ILDR2: variants seen among roughly 807,000 people sequenced by gnomAD.
ILDR2 encodes immunoglobulin-like domain-containing receptor 2.
Under a neutral mutation model 66.8 loss-of-function variants are expected in ILDR2, and 25 were observed. The observed-to-expected ratio is 0.37, with a 90% CI of 0.27 to 0.52. ILDR2 has a LOEUF of 0.52. Among genes scored for constraint, ILDR2 ranks in the 20% least tolerant of loss-of-function variants. The pLI, the probability that ILDR2 is intolerant of heterozygous loss-of-function variation, is 0.88. For synonymous variants in ILDR2, 367 were observed against 357.2 expected (o/e 1.03, Z -0.31); for missense variants, 827 against 876.8 (o/e 0.94, Z 0.72).
chr1:166,956,886 A>T, intron 2 of ILDR2, 34 bp from the exon 3 acceptor site: 1 of 1,606,308 alleles, frequency 6.2e-7, no homozygotes. Flanking sequence ...CAGTCCTAAA[A>T]CTCTGTCCTC....
rs892553712 is a variant in ILDR2 at position 166,975,478 on chromosome 1, G to A, written c.-210C>T. On this transcript the variant is annotated 5_prime_UTR_variant, in exon 1 of 10. Coordinates refer to ENST00000271417, the MANE Select transcript of ILDR2 (RefSeq NM_199351.3). ...GCGCGCGCTGCCGCGGGCTTCCGGG[G>A]TCCGCGCAGCGCTCGGCGGCGCATC... 35 of 146,536 alleles carry A rather than the reference G, an allele frequency of 2.4e-4. No homozygotes were observed. The highest frequency in any genetic ancestry group is 5.4e-4 in the African/African-American group (22 of 40,800). 9.1% of individuals were successfully genotyped at this position (146,536 alleles called of 1,614,324 possible). A position where few individuals can be genotyped will look rare whatever the true frequency, so the allele number is the denominator to read the frequency against.
rs974485201 is a variant in ILDR2, at chr1:166,918,148, T to A, written c.*1207A>T. The A allele has an allele frequency of 1.4e-4, 21 of 152,164 alleles. No homozygotes were observed. The highest frequency in any genetic ancestry group is 2.5e-4 in the Non-Finnish European group (17 of 68,028). The allele number at this position is 152,164 out of a possible 1,614,324, so 9.4% of individuals were successfully genotyped here. Reference sequence around the variant, plus strand: ...AGCTTTGGGATTTAGGCAAAATCTATCATTTAGGCAAGGGTGGGAATAGGA... The same window carrying A: ...AGCTTTGGGATTTAGGCAAAATCTAACATTTAGGCAAGGGTGGGAATAGGA... On this transcript the variant is annotated 3_prime_UTR_variant, in exon 10 of 10. Coordinates refer to ENST00000271417, the MANE Select transcript of ILDR2 (RefSeq NM_199351.3).
Position 166,911,424 on chromosome 1 carries a change from TA to T in ILDR2, c.*7930del. The T allele has an allele frequency of 6.6e-6, 1 of 152,252 alleles. No individual in the cohort carries two copies. Among genetic ancestry groups the T allele is most frequent in the South Asian group, 2.1e-4 (1 of 4,822 alleles). The allele number at this position is 152,252 out of a possible 1,614,324, so 9.4% of individuals were successfully genotyped here. A position where few individuals can be genotyped will look rare whatever the true frequency, so the allele number is the denominator to read the frequency against. ...TCATTATGGAGAAATGTAAGGCAGA[TA>T]AGGAGCAAGAAAGGTTTTTCTTGAC... is the stretch of plus-strand genomic sequence containing the variant. On this transcript the variant is annotated 3_prime_UTR_variant, in exon 10 of 10. Transcript: ENST00000271417.
chr1:166,963,051 C>T (rs1662716786), intron 1 of ILDR2, among the ~76,000 whole-genome samples: 1 of 152,144 alleles, frequency 6.6e-6, no homozygotes. Flanking sequence ...TTTATAAACT[C>T]ATCCTTTCTC....
chr1:166,940,813 A>G (rs1459916977), intron 3 of ILDR2, among the ~76,000 whole-genome samples: 2 of 152,158 alleles, frequency 1.3e-5, no homozygotes, highest in Non-Finnish European at 2.9e-5. Context: ...TTAGAAAACA[A>G]TTCCTTCATG....
At chr1:166,972,581 TATAAC>T (rs1425676055) in intron 1 of ILDR2, among the ~76,000 whole-genome samples, 1 of 152,034 alleles carries the variant, frequency 6.6e-6, no homozygotes, top group Non-Finnish European at 1.5e-5. Context: ...AGGCTAAATA[TATAAC>T]AGGAAGACAT....
intron 9 of ILDR2, among the ~76,000 whole-genome samples, chr1:166,919,956 G>A (rs1659805513): frequency 6.6e-6 from 1 of 152,124 alleles, no homozygotes; most frequent in Non-Finnish European, 1.5e-5. Flanking sequence ...GGGGTCAGAG[G>A]CCCTTGGTAC....
At chr1:166,923,526 T>C (rs1477209954) in intron 7 of ILDR2, among the ~76,000 whole-genome samples, 3 of 152,220 alleles carry the variant, frequency 2.0e-5, no homozygotes, top group African/African-American at 4.8e-5. Context: ...CCAAAAAAGT[T>C]TTCCAGGGGT....
chr1:166,966,706 T>C (rs1365426361), intron 1 of ILDR2, among the ~76,000 whole-genome samples: 1 of 152,234 alleles, frequency 6.6e-6, no homozygotes, highest in South Asian at 2.1e-4. Flanking sequence ...ATAGGTGTTG[T>C]CTAGCTGGCT....
chr1:166,928,908 G>A (rs1481587039), intron 6 of ILDR2, among the ~76,000 whole-genome samples: 1 of 152,206 alleles, frequency 6.6e-6, no homozygotes. Flanking sequence ...TCCTTGTGTG[G>A]AAGCAATGAT....
In ILDR2 at chr1:166,900,504, A is replaced by C. The variant is rs58291497; in HGVS notation, n.172-4403T>G. 6.9e-3 allele frequency among the ~76,000 whole-genome samples: 1,050 copies of C among 152,354 alleles called. 11 individuals carry two copies. Among genetic ancestry groups the C allele is most frequent in the African/African-American group, 0.024 (1,008 of 41,576 alleles). On this transcript the variant is annotated intron_variant and non_coding_transcript_variant, in intron 2 of 2. Coordinates refer to the ILDR2 transcript ENST00000414590. ...AAGGTAAAATCAACAGGACTCAGTA[A>C]TTGCTTGGATAATTACAATATTCTC...
intron 6 of ILDR2, among the ~76,000 whole-genome samples, chr1:166,934,598 A>T (rs1170272285): frequency 6.6e-6 from 1 of 152,090 alleles, no homozygotes; most frequent in Non-Finnish European, 1.5e-5. Context: ...GATCTTCTGG[A>T]GGGGTTTCAA....
chr1:166,906,692 CAA>C (rs757879588), downstream of ILDR2, among the ~76,000 whole-genome samples: 57 of 152,170 alleles, frequency 3.7e-4, no homozygotes, highest in Admixed American at 3.0e-3. Context: ...CAGAAAGTGG[CAA>C]AGTCAGACTT....
In ILDR2 at chr1:166,916,265, T is replaced by C. The variant is rs923284154; in HGVS notation, c.*3090A>G. The C allele has an allele frequency of 6.6e-6, 1 of 152,228 alleles. No individual in the cohort carries two copies. Among genetic ancestry groups the C allele is most frequent in the Non-Finnish European group, 1.5e-5 (1 of 68,032 alleles). The allele number at this position is 152,228 out of a possible 1,614,324, so 9.4% of individuals were successfully genotyped here. ...AGTATTGGCTTTTCAGATCACCAAG[T>C]CTATGTTTAAATAAGATGATGGACA... is the stretch of plus-strand genomic sequence containing the variant. On this transcript the variant is annotated 3_prime_UTR_variant, in exon 10 of 10. Transcript: ENST00000271417.
chr1:166,952,013 TA>T (rs1662012508), intron 3 of ILDR2, among the ~76,000 whole-genome samples: 1 of 152,200 alleles, frequency 6.6e-6, no homozygotes, highest in Non-Finnish European at 1.5e-5. Context: ...TAAAGGCCTT[TA>T]AAAAATAAGC....
rs777082078 is a variant in ILDR2 at position 166,922,798 on chromosome 1, T to C, written c.1006A>G (p.Ile336Val). 6.2e-6 allele frequency: 10 copies of C among 1,613,998 alleles called. No homozygotes were observed. Among genetic ancestry groups the C allele is most frequent in the Middle Eastern group, 1.6e-4 (1 of 6,084 alleles). Residue 336 changes from isoleucine to valine, a missense_variant, in exon 8 of 10, where the codon ATC (isoleucine) becomes GTC (valine). Physicochemically the swap from Ile to Val is conservative, Grantham distance 29. Around this residue, in one of 2 missense-constraint regions of ILDR2, gnomAD observed 437 missense variants for 523.2 expected, o/e 0.84. Transcript: ENST00000271417. Reference sequence around the variant, plus strand: ...TCATGTAGGGAGCTGAGTTCTGAGATGGTGTTGTTATCTGCAGGGACAAAA... The same window carrying C: ...TCATGTAGGGAGCTGAGTTCTGAGACGGTGTTGTTATCTGCAGGGACAAAA... ...RRMRGRYNNTISELSSLHEED... is the reference protein window; with the variant it reads ...RRMRGRYNNTVSELSSLHEED...
intron 4 of ILDR2, among the ~76,000 whole-genome samples, chr1:166,939,188 A>G (rs998650543): frequency 1.3e-5 from 2 of 152,216 alleles, no homozygotes; most frequent in African/African-American, 2.4e-5. Context: ...ATAAATACTG[A>G]TTCTATTAAA....
At chr1:166,953,111 T>G (rs1025716553) in intron 3 of ILDR2, among the ~76,000 whole-genome samples, 4 of 152,200 alleles carry the variant, frequency 2.6e-5, no homozygotes, top group African/African-American at 4.8e-5. Flanking sequence ...TTAATTTACT[T>G]TGGAGAATTA....
At position 166,922,671 on chromosome 1, in the gene ILDR2, A is replaced by C; in HGVS notation, c.1133T>G (p.Met378Arg). The part of the protein sequence containing the change: ...ESNPDYWSGV[M>R]GGSSGASRGP... Reference sequence around the variant, plus strand: ...GCGGCTTGCCCCACTGCTGCCTCCCATGACACCTGACCAATAGTCAGGATT... The same window carrying C: ...GCGGCTTGCCCCACTGCTGCCTCCCCTGACACCTGACCAATAGTCAGGATT... The change falls in exon 8 of 10, where the codon ATG becomes AGG. Residue 378 changes from methionine (M) to arginine (R), a missense_variant. Coordinates refer to ENST00000271417, the MANE Select transcript of ILDR2 (RefSeq NM_199351.3). 1 of 1,614,146 alleles carries C rather than the reference A, an allele frequency of 6.2e-7. No homozygotes were observed. The highest frequency in any genetic ancestry group is 8.5e-7 in the Non-Finnish European group (1 of 1,180,020).
Sources: gnomAD v4.1 joint callset for allele counts (sites outside exome capture counted in the v4.1 genomes callset) on GRCh38, gnomAD v4.1.1 for gene constraint, gnomAD v4.1.1 regional missense constraint, MANE v1.5 for transcripts, NCBI Gene and HGNC (gene_info 2026-07-23, HGNC 2026-07-21) for gene names.